The following COL28A1 variants were observed in gnomAD, a reference collection of about 807,000 sequenced individuals.
COL28A1 encodes collagen alpha-1(XXVIII) chain.
A neutral mutation model predicts 150.2 loss-of-function variants in COL28A1; 161 were observed. The ratio of observed to expected loss-of-function variants is 1.07; its 90% CI spans 0.94 to 1.22. The LOEUF is 1.22. Ranked by LOEUF, COL28A1 falls within the 50% of genes most tolerant of loss-of-function variation. The pLI, the probability that COL28A1 is intolerant of heterozygous loss-of-function variation, is 0.00. For synonymous variants in COL28A1, 552 were observed against 469.7 expected, an observed-to-expected ratio of 1.18 and a Z score of -2.26; for missense variants, 1,617 against 1,388.3, an observed-to-expected ratio of 1.16 and a Z score of -2.62.
At chr7:7,462,767 G>C (rs775053602) in intron 15 of COL28A1, among the ~76,000 whole-genome samples, 1 of 151,696 alleles carries the variant, frequency 6.6e-6, no homozygotes, top group Non-Finnish European at 1.5e-5. Context: ...GCTGTGGCAG[G>C]ATAATCACTT....
At chr7:7,437,181 A>T (rs888183691) in intron 22 of COL28A1, among the ~76,000 whole-genome samples, 1 of 152,186 alleles carries the variant, frequency 6.6e-6, no homozygotes, top group Non-Finnish European at 1.5e-5. Flanking sequence ...TGAAGGGTAA[A>T]GTGACAAGCT....
At chr7:7,417,352 C>G (rs1449365544) in intron 27 of COL28A1, among the ~76,000 whole-genome samples, 3 of 151,674 alleles carry the variant, frequency 2.0e-5, no homozygotes, top group Admixed American at 2.0e-4. Flanking sequence ...ACAGCACTCA[C>G]ACTCTACTCC....
chr7:7,396,516 CT>C (rs1396359905), intron 27 of COL28A1, among the ~76,000 whole-genome samples: 2 of 152,156 alleles, frequency 1.3e-5, no homozygotes, highest in Non-Finnish European at 2.9e-5. Context: ...AATCCTTTTC[CT>C]TTGTGCAATT....
In COL28A1 at chr7:7,383,682, G is replaced by GTGTA. The variant is rs1554262302; in HGVS notation, c.2137-2071_2137-2070insTACA. ...ATTTGAAATTTGTGTGTGTGTGTGT[G>GTGTA]TATATATATATATATATATATGTAT... On this transcript the variant is annotated intron_variant, in intron 27 of 34. Transcript: ENST00000399429. Among the ~76,000 whole-genome samples, 1,118 of 124,072 alleles carry GTGTA rather than the reference G, an allele frequency of 9.0e-3. 8 individuals carry two copies. The highest frequency in any genetic ancestry group is 0.012 in the Non-Finnish European group (726 of 61,456). 81.4% of individuals were successfully genotyped at this position (124,072 alleles called of 152,430 possible). A position where few individuals can be genotyped will look rare whatever the true frequency, so the allele number is the denominator to read the frequency against.
At chr7:7,431,612 G>A (rs1322509991) in intron 25 of COL28A1, 3 of 471,042 alleles carry the variant, frequency 6.4e-6, no homozygotes, top group African/African-American at 6.0e-5. Context: ...GTCGGGGCAT[G>A]AAGGATCTTC....
intron 27 of COL28A1, among the ~76,000 whole-genome samples, chr7:7,386,373 C>G (rs1322550584): frequency 6.6e-6 from 1 of 152,090 alleles, no homozygotes; most frequent in Admixed American, 6.6e-5. Context: ...GAAAAAAATG[C>G]TACTCTCATT....
rs9791926 is a variant in COL28A1, at chr7:7,365,669, G to A, written c.3066+5056C>T. ...CATATATTACAAAGTCTTCAAATCT[G>A]AACACATGTCTGCTCTGGATGAATG... On this transcript the variant is annotated intron_variant, in intron 33 of 34. Coordinates refer to ENST00000399429, the MANE Select transcript of COL28A1 (RefSeq NM_001037763.3). 2.2e-4 allele frequency among the ~76,000 whole-genome samples: 34 copies of A among 152,258 alleles called. 1 individual carries two copies. In the East Asian group the frequency reaches 6.4e-3, roughly 28 times the overall value.
At chr7:7,501,037 C>A (rs1390741223) in intron 11 of COL28A1, among the ~76,000 whole-genome samples, 1 of 152,152 alleles carries the variant, frequency 6.6e-6, no homozygotes, top group African/African-American at 2.4e-5. Flanking sequence ...CTGACCATAT[C>A]CATTTATTAA....
At chr7:7,404,518 G>A (rs1201290139) in intron 27 of COL28A1, among the ~76,000 whole-genome samples, 1 of 151,912 alleles carries the variant, frequency 6.6e-6, no homozygotes, top group Non-Finnish European at 1.5e-5. Context: ...GAACATGCCA[G>A]CCACCCTCCT....
intron 34 of COL28A1, among the ~76,000 whole-genome samples, chr7:7,360,142 A>T (rs1780567537): frequency 6.6e-6 from 1 of 152,180 alleles, no homozygotes; most frequent in African/African-American, 2.4e-5. Context: ...TAAAATAATA[A>T]ATAAGAACTT....
chr7:7,442,442 A>G (rs1250821628), intron 20 of COL28A1, among the ~76,000 whole-genome samples: 1 of 152,230 alleles, frequency 6.6e-6, no homozygotes, highest in Non-Finnish European at 1.5e-5. Flanking sequence ...ATGTTAGCAG[A>G]TCGGCATTTC....
At chr7:7,455,385 AT>A (rs1164806565) in intron 16 of COL28A1, among the ~76,000 whole-genome samples, 1 of 152,200 alleles carries the variant, frequency 6.6e-6, no homozygotes, top group Non-Finnish European at 1.5e-5. Context: ...CATTATTTAG[AT>A]TTATCACAAT....
chr7:7,450,824 T>A (rs1160032993), intron 18 of COL28A1, among the ~76,000 whole-genome samples: 1 of 152,168 alleles, frequency 6.6e-6, no homozygotes, highest in Non-Finnish European at 1.5e-5. Flanking sequence ...GATATTTTCA[T>A]ACAGTGGAAT....
At chr7:7,386,791 C>T (rs776946920) in intron 27 of COL28A1, among the ~76,000 whole-genome samples, 33 of 152,102 alleles carry the variant, frequency 2.2e-4, no homozygotes, top group South Asian at 6.2e-4. Flanking sequence ...AAGCACAGGT[C>T]CCACAGGTCG....
At chr7:7,362,630 G>C (rs1780728828) in intron 33 of COL28A1, among the ~76,000 whole-genome samples, 1 of 151,794 alleles carries the variant, frequency 6.6e-6, no homozygotes, top group African/African-American at 2.4e-5. Context: ...CATTTGGATT[G>C]GTCATTAGCC....
chr7:7,457,276 T>A (rs1787244738), intron 15 of COL28A1, among the ~76,000 whole-genome samples: 1 of 152,176 alleles, frequency 6.6e-6, no homozygotes, highest in Non-Finnish European at 1.5e-5. Flanking sequence ...GAAGGGGGTC[T>A]GCATGAGAGA....
At chr7:7,407,065 A>G (rs770955768) in intron 27 of COL28A1, among the ~76,000 whole-genome samples, 1 of 152,048 alleles carries the variant, frequency 6.6e-6, no homozygotes, top group Non-Finnish European at 1.5e-5. Context: ...TAAATGACAG[A>G]TTTGATACAG....
At chr7:7,347,512 C>T in the COL28A1 span, among the ~76,000 whole-genome samples, 16 of 152,182 alleles carry the variant, frequency 1.1e-4, no homozygotes, top group East Asian at 1.9e-3. Context: ...CTTTTTGCAC[C>T]AGCATTTCAG....
the COL28A1 span, among the ~76,000 whole-genome samples, chr7:7,342,007 G>C: frequency 1.3e-5 from 2 of 152,000 alleles, no homozygotes; most frequent in Non-Finnish European, 2.9e-5. Flanking sequence ...TTAAAGATTT[G>C]TGTGTGTTAT....
Sources: gnomAD v4.1 joint callset for allele counts (sites outside exome capture counted in the v4.1 genomes callset) on GRCh38, gnomAD v4.1.1 for gene constraint, MANE v1.5 for transcripts, NCBI Gene and HGNC (gene_info 2026-07-23, HGNC 2026-07-21) for gene names.